Variants in PHTF2 observed in about 807,000 individuals in gnomAD.
The protein encoded by PHTF2 is protein PHTF2.
PHTF2 carries 60 observed loss-of-function variants against 101.2 expected under a neutral mutation model. The ratio of observed to expected loss-of-function variants is 0.59; its 90% confidence interval spans 0.48 to 0.73. The LOEUF is 0.73. Among genes scored for constraint, PHTF2 ranks in the 30% least tolerant of loss-of-function variants. The pLI is 0.00. For synonymous variants in PHTF2, 311 were observed against 307.3 expected, an observed-to-expected ratio of 1.01 and a Z score of -0.13; for missense variants, 747 against 908.7, an observed-to-expected ratio of 0.82 and a Z score of 2.29.
chr7:77,901,429 C>A (rs1346257205), intron 6 of PHTF2, among the ~76,000 whole-genome samples: 1 of 150,870 alleles, frequency 6.6e-6, no homozygotes, highest in Non-Finnish European at 1.5e-5. Flanking sequence ...TTTGACACCA[C>A]CCTGGGCAGC....
chr7:77,896,958 C>T (rs923473590), intron 5 of PHTF2, among the ~76,000 whole-genome samples: 3 of 152,122 alleles, frequency 2.0e-5, no homozygotes, highest in East Asian at 1.9e-4. Flanking sequence ...ATTGCTAAAG[C>T]GTAAAACCTT....
intron 12 of PHTF2, among the ~76,000 whole-genome samples, chr7:77,930,102 C>T (rs752362821): frequency 7.9e-5 from 12 of 151,738 alleles, no homozygotes; most frequent in Non-Finnish European, 1.6e-4. Context: ...TACAGGCGCC[C>T]GCCACCACAC....
intron 1 of PHTF2, among the ~76,000 whole-genome samples, chr7:77,839,120 C>T (rs17158641): frequency 0.11 from 17,439 of 152,178 alleles, 1,512 homozygotes; most frequent in African/African-American, 0.23. Flanking sequence ...AGTTGCAGAT[C>T]TGTATGTGCT....
At chr7:77,915,686 C>T (rs1363306296) in intron 9 of PHTF2, among the ~76,000 whole-genome samples, 1 of 152,178 alleles carries the variant, frequency 6.6e-6, no homozygotes, top group African/African-American at 2.4e-5. Context: ...GAGGCCACCA[C>T]TCTCGGGCCA....
At chr7:77,877,694 T>G (rs972420835) in intron 3 of PHTF2, among the ~76,000 whole-genome samples, 1 of 152,224 alleles carries the variant, frequency 6.6e-6, no homozygotes, top group Non-Finnish European at 1.5e-5. Context: ...GTGTTCTGCT[T>G]CTACTTTTCA....
chr7:77,908,833 C>T, exon 8 of PHTF2: 1 of 1,611,798 alleles, frequency 6.2e-7, no homozygotes, highest in Non-Finnish European at 8.5e-7. Context: ...CTAGCCCACA[C>T]AGCATACCTC....
intron 1 of PHTF2, among the ~76,000 whole-genome samples, chr7:77,834,115 C>A (rs1288414501): frequency 6.6e-6 from 1 of 151,904 alleles, no homozygotes; most frequent in Non-Finnish European, 1.5e-5. Flanking sequence ...GTGCATTTTT[C>A]CAGCCTGGAC....
At chr7:77,875,633 C>T (rs1798874116) in intron 3 of PHTF2, among the ~76,000 whole-genome samples, 1 of 152,062 alleles carries the variant, frequency 6.6e-6, no homozygotes, top group Admixed American at 6.6e-5. Flanking sequence ...TCTTGGCTCA[C>T]TGCAAGCTCC....
chr7:77,953,652 G>T, intron 18 of PHTF2, 117 bp from the exon 18 acceptor site: 2 of 736,994 alleles, frequency 2.7e-6, no homozygotes, highest in Non-Finnish European at 4.3e-6. Context: ...CTTTCTAAAA[G>T]CATCCATAAT....
chr7:77,817,511 A>C (rs1190612502), intron 1 of PHTF2, among the ~76,000 whole-genome samples: 1 of 152,140 alleles, frequency 6.6e-6, no homozygotes, highest in African/African-American at 2.4e-5. Context: ...GAACCAAGCA[A>C]AGGGTGAAGC....
intron 2 of PHTF2, among the ~76,000 whole-genome samples, chr7:77,843,005 G>A (rs1584463646): frequency 6.6e-6 from 1 of 152,280 alleles, no homozygotes; most frequent in East Asian, 1.9e-4. Context: ...CTCTAAGACA[G>A]CCTTTGTTGA....
intron 3 of PHTF2, among the ~76,000 whole-genome samples, chr7:77,860,314 T>A (rs1338806713): frequency 6.6e-6 from 1 of 152,260 alleles, no homozygotes; most frequent in Non-Finnish European, 1.5e-5. Context: ...AATATTATTT[T>A]TTCTATAACT....
intron 2 of PHTF2, among the ~76,000 whole-genome samples, chr7:77,844,810 C>T (rs1352608524): frequency 6.6e-6 from 1 of 152,240 alleles, no homozygotes; most frequent in Non-Finnish European, 1.5e-5. Flanking sequence ...CAGGCATGAG[C>T]CATTGCACCC....
chr7:77,897,603 G>T (rs1800991319), intron 5 of PHTF2, among the ~76,000 whole-genome samples: 2 of 152,010 alleles, frequency 1.3e-5, no homozygotes, highest in African/African-American at 4.8e-5. Context: ...TGAAAGCTAT[G>T]CTACTTTGTG....
At chr7:77,920,578 G>A (rs984921734) in intron 10 of PHTF2, 113 bp downstream of exon 9, 2 of 740,858 alleles carry the variant, frequency 2.7e-6, no homozygotes, top group Non-Finnish European at 4.6e-6. Flanking sequence ...AATTAATTCT[G>A]TGAGCGTTTA....
intron 1 of PHTF2, among the ~76,000 whole-genome samples, chr7:77,832,587 C>CT (rs1312193213): frequency 3.3e-5 from 5 of 152,198 alleles, no homozygotes; most frequent in African/African-American, 4.8e-5. Flanking sequence ...ACTGAAAAGT[C>CT]TGTTTCCATT....
chr7:77,928,456 A>T (rs1262574990), intron 11 of PHTF2, among the ~76,000 whole-genome samples: 1 of 152,128 alleles, frequency 6.6e-6, no homozygotes, highest in Admixed American at 6.6e-5. Flanking sequence ...CATTTGTGAA[A>T]CAAAAACAGT....
chr7:77,942,474 T>A (rs1455536251), intron 15 of PHTF2, among the ~76,000 whole-genome samples: 1 of 152,244 alleles, frequency 6.6e-6, no homozygotes, highest in Non-Finnish European at 1.5e-5. Context: ...CCAATAATTT[T>A]ATGCTATATA....
At chr7:77,951,348 A>G (rs1350288761) in intron 17 of PHTF2, among the ~76,000 whole-genome samples, 1 of 152,106 alleles carries the variant, frequency 6.6e-6, no homozygotes, top group African/African-American at 2.4e-5. Context: ...TTTTAGGTTG[A>G]TTTGGCTCCG....
Sources: gnomAD v4.1 joint callset for allele counts (sites outside exome capture counted in the v4.1 genomes callset) on GRCh38, gnomAD v4.1.1 for gene constraint, MANE v1.5 for transcripts, NCBI Gene and HGNC (gene_info 2026-07-23, HGNC 2026-07-21) for gene names.